The following PAX9 variants were observed in gnomAD, a reference collection of about 807,000 sequenced individuals.
PAX9 encodes paired box protein Pax-9.
Under a neutral mutation model 29.1 loss-of-function variants are expected in PAX9, and 6 were observed. That is an observed-to-expected ratio of 0.21 (90% CI 0.11 to 0.41). The LOEUF (loss-of-function observed/expected upper bound fraction) is 0.41. Among genes scored for constraint, PAX9 ranks in the 10% least tolerant of loss-of-function variants. PAX9 has a pLI of 1.00. For synonymous variants in PAX9, 217 were observed against 211.7 expected (o/e 1.03, Z -0.22); for missense variants, 443 against 479.1 (o/e 0.92, Z 0.70).
At chr14:36,659,352 G>A (rs1196096463), upstream of PAX9, among the ~76,000 whole-genome samples, 4 of 152,090 alleles carry the variant, frequency 2.6e-5, no homozygotes, top group Non-Finnish European at 5.9e-5. Context: ...GTCGTCTCTC[G>A]GTCGGTCTCA....
intron 2 of PAX9, among the ~76,000 whole-genome samples, chr14:36,664,390 G>A (rs1229654457): frequency 6.6e-6 from 1 of 151,978 alleles, no homozygotes; most frequent in East Asian, 1.9e-4. Context: ...GAGAATGCAA[G>A]TGGATATCTA....
intron 3 of PAX9, among the ~76,000 whole-genome samples, chr14:36,667,060 AC>A (rs1881532730): frequency 6.6e-6 from 1 of 152,138 alleles, no homozygotes; most frequent in Non-Finnish European, 1.5e-5. Context: ...TCTCGGCCCC[AC>A]GGTGCGACTG....
At position 36,678,193 on chromosome 14, in the gene PAX9, C is replaced by CTTCGT. The variant is rs1881996435; in HGVS notation, c.*1744_*1748dup. ...CGGTTCCACCACATCGGTTTCGTGG[C>CTTCGT]TTCGTTTAAAACTCAGATGGCTAGA... On this transcript the variant is annotated 3_prime_UTR_variant, in exon 4 of 4. Transcript: ENST00000361487. 1 of 462,232 alleles carries CTTCGT rather than the reference C, an allele frequency of 2.2e-6. No homozygotes were observed. Among genetic ancestry groups the CTTCGT allele is most frequent in the East Asian group, 3.4e-5 (1 of 29,060 alleles). The allele number at this position is 462,232 out of a possible 1,614,324, so 28.6% of individuals were successfully genotyped here. A position where few individuals can be genotyped will look rare whatever the true frequency, so the allele number is the denominator to read the frequency against.
chr14:36,660,964 C>G (rs548622346), upstream of PAX9, among the ~76,000 whole-genome samples: 52 of 152,332 alleles, frequency 3.4e-4, no homozygotes, highest in Non-Finnish European at 6.8e-4. Flanking sequence ...TGTCTTGGGA[C>G]TAAGTCTCTT....
chr14:36,678,793 A>G lies in PAX9; in HGVS notation c.*2341A>G. 1 of 1,028,586 alleles carries G rather than the reference A, an allele frequency of 9.7e-7. No individual in the cohort carries two copies. The highest frequency in any genetic ancestry group is 1.2e-6 in the Non-Finnish European group (1 of 847,782). 63.7% of individuals were successfully genotyped at this position (1,028,586 alleles called of 1,614,324 possible). A position where few individuals can be genotyped will look rare whatever the true frequency, so the allele number is the denominator to read the frequency against. ...AAAAAATCTAATATTAATGGTATTG[A>G]AGTTTCCTTTTCTCCCTCTAGGTCT... is the stretch of plus-strand genomic sequence containing the variant. On this transcript the variant is annotated 3_prime_UTR_variant, in exon 4 of 4. Coordinates refer to ENST00000361487, the MANE Select transcript of PAX9 (RefSeq NM_001372076.1).
intron 2 of PAX9, among the ~76,000 whole-genome samples, chr14:36,663,813 G>A (rs777486315): frequency 1.3e-5 from 2 of 151,986 alleles, no homozygotes; most frequent in African/African-American, 2.4e-5. Context: ...CCCGCCTCTC[G>A]CGCCGAGGCA....
At chr14:36,671,166 G>C (rs8004297) in intron 3 of PAX9, 248 of 373,154 alleles carry the variant, frequency 6.6e-4, no homozygotes, top group African/African-American at 5.1e-3. Flanking sequence ...TATCATAAGA[G>C]GACCAGGTTG....
chr14:36,662,558 T>A (rs1881317519), intron 1 of PAX9: 2 of 446,824 alleles, frequency 4.5e-6, no homozygotes, highest in Non-Finnish European at 8.0e-6. Flanking sequence ...AGGACTTTAG[T>A]GAGGAGCAGG....
At chr14:36,672,908 C>T (rs1398711864) in intron 3 of PAX9, among the ~76,000 whole-genome samples, 1 of 94,370 alleles carries the variant, frequency 1.1e-5, no homozygotes, top group African/African-American at 3.9e-5. Flanking sequence ...TCTTGTTGCC[C>T]AGGCTGGAGT....
At position 36,668,727 on chromosome 14, in the gene PAX9, T is replaced by C. The variant is rs550108501; in HGVS notation, c.771+2126T>C. Among the ~76,000 whole-genome samples the C allele has an allele frequency of 8.5e-5, 13 of 152,086 alleles. No homozygotes were observed. In the South Asian group the frequency reaches 2.3e-3, roughly 27 times the overall value. On this transcript the variant is annotated intron_variant, in intron 3 of 3. Transcript: ENST00000361487. ...TCTTCCTTGAATTATAGATCTAACA[T>C]TGAAATTTGTTTGGAAATGCTTAAT...
At chr14:36,667,471 C>T (rs552036743) in intron 3 of PAX9, among the ~76,000 whole-genome samples, 2 of 152,148 alleles carry the variant, frequency 1.3e-5, no homozygotes, top group East Asian at 3.9e-4. Flanking sequence ...CCCAGCAGAC[C>T]CCAGTAGGTT....
At chr14:36,671,941 A>G (rs1307315634) in intron 3 of PAX9, 2 of 152,148 alleles carry the variant, frequency 1.3e-5, no homozygotes, top group African/African-American at 4.8e-5. Flanking sequence ...AATTTAGTCT[A>G]TTTTGCTTTG....
intron 3 of PAX9, among the ~76,000 whole-genome samples, chr14:36,667,529 A>G (rs1285124802): frequency 6.6e-6 from 1 of 152,176 alleles, no homozygotes; most frequent in East Asian, 1.9e-4. Flanking sequence ...CAAGCTATTC[A>G]GTTTTCCTTT....
At chr14:36,669,826 GC>G (rs1881641344) in intron 3 of PAX9, among the ~76,000 whole-genome samples, 1 of 151,882 alleles carries the variant, frequency 6.6e-6, no homozygotes, top group African/African-American at 2.4e-5. Context: ...TTAATATTTT[GC>G]AGTGCCATTC....
rs1882024392 is a variant in PAX9 at position 36,678,613 on chromosome 14, C to A, written c.*2161C>A. On this transcript the variant is annotated 3_prime_UTR_variant, in exon 4 of 4. Coordinates refer to ENST00000361487, the MANE Select transcript of PAX9 (RefSeq NM_001372076.1). ...TGAAAAACTGATGTAAGGTACAGAA[C>A]TATTCTTTATCAAATGTTTTTAGGT... 2 of 1,359,296 alleles carry A rather than the reference C, an allele frequency of 1.5e-6. No individual in the cohort carries two copies. The highest frequency in any genetic ancestry group is 2.9e-5 in the African/African-American group (2 of 68,668). The allele number at this position is 1,359,296 out of a possible 1,614,324, so 84.2% of individuals were successfully genotyped here. A position where few individuals can be genotyped will look rare whatever the true frequency, so the allele number is the denominator to read the frequency against.
In PAX9 at chr14:36,666,611, C is replaced by T; in HGVS notation, c.771+10C>T. ...AGCCAAGTACGGTCAGGTGAGGAGG[C>T]GAGGGTCAGGCCAGGTGGGCCGCGT... is the stretch of plus-strand genomic sequence containing the variant. On this transcript the variant is annotated intron_variant, in intron 3 of 3. Coordinates refer to ENST00000361487, the MANE Select transcript of PAX9 (RefSeq NM_001372076.1). The T allele has an allele frequency of 6.4e-7, 1 of 1,560,408 alleles. No homozygotes were observed. Among genetic ancestry groups the T allele is most frequent in the Non-Finnish European group, 8.7e-7 (1 of 1,151,862 alleles).
At chr14:36,667,666 T>C (rs181782948) in intron 3 of PAX9, among the ~76,000 whole-genome samples, 4 of 152,350 alleles carry the variant, frequency 2.6e-5, no homozygotes, top group Admixed American at 2.6e-4. Flanking sequence ...CTGTAACAAA[T>C]CCCATTTCCA....
intron 3 of PAX9, among the ~76,000 whole-genome samples, chr14:36,674,768 A>G (rs900515520): frequency 1.3e-5 from 2 of 152,232 alleles, no homozygotes; most frequent in Non-Finnish European, 2.9e-5. Flanking sequence ...CAAAGAACCA[A>G]CATTGAAAAA....
chr14:36,665,773 T>C (rs766142723), intron 2 of PAX9, among the ~76,000 whole-genome samples: 7 of 152,222 alleles, frequency 4.6e-5, no homozygotes, highest in East Asian at 1.9e-4. Flanking sequence ...ATAGTGGTAA[T>C]TGCAAGATTT....
Sources: gnomAD v4.1 joint callset for allele counts (sites outside exome capture counted in the v4.1 genomes callset) on GRCh38, gnomAD v4.1.1 for gene constraint, MANE v1.5 for transcripts, NCBI Gene and HGNC (gene_info 2026-07-23, HGNC 2026-07-21) for gene names.